The following RIT2 variants were observed in gnomAD, a reference collection of about 807,000 sequenced individuals.
The protein encoded by RIT2 is Ras like without CAAX 2, also known as GTP-binding protein Rit2.
Under a neutral mutation model 23.7 loss-of-function variants are expected in RIT2, and 24 were observed. The ratio of observed to expected loss-of-function variants is 1.01; its 90% CI spans 0.73 to 1.43. RIT2 has a LOEUF of 1.43. Among genes scored for constraint, RIT2 ranks in the 40% most tolerant of loss-of-function variants. The pLI is 0.00. For synonymous variants in RIT2, 107 were observed against 91.1 expected (o/e 1.17, Z -0.99); for missense variants, 236 against 266.9 (o/e 0.88, Z 0.81).
chr18:42,787,594 C>T (rs539934115), intron 4 of RIT2, among the ~76,000 whole-genome samples: 11 of 152,268 alleles, frequency 7.2e-5, no homozygotes, highest in Admixed American at 1.3e-4. Flanking sequence ...AATGCAATTG[C>T]TCATTTGTGA....
At chr18:42,988,615 A>G (rs1910769912) in intron 2 of RIT2, among the ~76,000 whole-genome samples, 1 of 152,142 alleles carries the variant, frequency 6.6e-6, no homozygotes, top group Non-Finnish European at 1.5e-5. Context: ...ACTTCCAGGA[A>G]CTCCCTATTA....
At chr18:42,747,627 G>A (rs1333095881) in intron 4 of RIT2, among the ~76,000 whole-genome samples, 1 of 151,666 alleles carries the variant, frequency 6.6e-6, no homozygotes, top group African/African-American at 2.4e-5. Context: ...GAGGCATCAC[G>A]TTACATTGAA....
At chr18:42,894,702 A>T (rs1908276165) in intron 4 of RIT2, among the ~76,000 whole-genome samples, 1 of 152,244 alleles carries the variant, frequency 6.6e-6, no homozygotes, top group African/African-American at 2.4e-5. Flanking sequence ...GACACTTTAC[A>T]GCTACAATTA....
intron 4 of RIT2, among the ~76,000 whole-genome samples, chr18:42,807,632 C>A (rs533068323): frequency 2.4e-3 from 364 of 152,196 alleles, no homozygotes; most frequent in African/African-American, 8.0e-3. Flanking sequence ...AAAAACAAAA[C>A]AAAACAAAAC....
intron 1 of RIT2, among the ~76,000 whole-genome samples, chr18:43,047,793 ATGTC>A (rs1912283631): frequency 6.6e-6 from 1 of 152,162 alleles, no homozygotes; most frequent in South Asian, 2.1e-4. Flanking sequence ...TTAATAATAG[ATGTC>A]AAATTTAAAG....
At chr18:42,963,124 G>T (rs1277047866) in intron 3 of RIT2, among the ~76,000 whole-genome samples, 1 of 152,146 alleles carries the variant, frequency 6.6e-6, no homozygotes. Flanking sequence ...TAATGGAGAG[G>T]TTTGGTTCCC....
chr18:43,080,267 TTCTAATGATGAG>T (rs1913125810), intron 1 of RIT2, among the ~76,000 whole-genome samples: 1 of 152,222 alleles, frequency 6.6e-6, no homozygotes, highest in African/African-American at 2.4e-5. Context: ...TTTCTTCCCA[TTCTAATGATGAG>T]AAAAACAAGG....
chr18:42,804,589 GA>G (rs112876307), intron 4 of RIT2, among the ~76,000 whole-genome samples: 9,359 of 130,460 alleles, frequency 0.072, 977 homozygotes, highest in African/African-American at 0.25. Context: ...AAAAAAAATT[GA>G]AAAAAAAAGA....
intron 3 of RIT2, among the ~76,000 whole-genome samples, chr18:42,954,551 C>T (rs1267296555): frequency 6.6e-6 from 1 of 151,990 alleles, no homozygotes; most frequent in Non-Finnish European, 1.5e-5. Flanking sequence ...CCTCCTTATT[C>T]AAGACACACA....
chr18:43,082,036 TG>T (rs1913169520), intron 1 of RIT2, among the ~76,000 whole-genome samples: 1 of 152,108 alleles, frequency 6.6e-6, no homozygotes, highest in Non-Finnish European at 1.5e-5. Flanking sequence ...GGACTTTTTT[TG>T]TTGGTAGGTT....
chr18:43,096,908 CAA>C (rs1465383446), intron 1 of RIT2, among the ~76,000 whole-genome samples: 2 of 151,764 alleles, frequency 1.3e-5, no homozygotes, highest in Non-Finnish European at 2.9e-5. Context: ...ATGCTAAAAA[CAA>C]AATCTAATGG....
At chr18:42,778,519 C>T (rs1913731803) in intron 4 of RIT2, among the ~76,000 whole-genome samples, 2 of 152,066 alleles carry the variant, frequency 1.3e-5, no homozygotes, top group South Asian at 4.1e-4. Flanking sequence ...TCCTAGTGAA[C>T]ACAATAAATA....
chr18:43,031,895 C>G (rs766512299), intron 2 of RIT2, among the ~76,000 whole-genome samples: 3 of 151,974 alleles, frequency 2.0e-5, no homozygotes, highest in Non-Finnish European at 2.9e-5. Flanking sequence ...TGTACTAATA[C>G]GAATTTCCTC....
intron 4 of RIT2, among the ~76,000 whole-genome samples, chr18:42,787,502 T>C (rs1913949889): frequency 6.6e-6 from 1 of 152,104 alleles, no homozygotes; most frequent in Non-Finnish European, 1.5e-5. Context: ...AAGAAGCAAC[T>C]GTAAAAATCT....
At chr18:42,935,641 T>A (rs1460404577) in intron 3 of RIT2, among the ~76,000 whole-genome samples, 4 of 152,146 alleles carry the variant, frequency 2.6e-5, no homozygotes, top group Non-Finnish European at 5.9e-5. Context: ...TTAGACATAT[T>A]GTTACCAGAA....
chr18:42,793,403 AC>A (rs1307107135), intron 4 of RIT2, among the ~76,000 whole-genome samples: 1 of 152,272 alleles, frequency 6.6e-6, no homozygotes, highest in East Asian at 1.9e-4. Flanking sequence ...GTATCTAAGA[AC>A]CTACACTATC....
intron 2 of RIT2, among the ~76,000 whole-genome samples, chr18:43,012,494 G>A (rs926019753): frequency 6.6e-6 from 1 of 151,530 alleles, no homozygotes; most frequent in East Asian, 2.0e-4. Flanking sequence ...AGAAAATAAC[G>A]AATTTTCACA....
At chr18:43,096,901 C>T (rs913368925) in intron 1 of RIT2, among the ~76,000 whole-genome samples, 2 of 151,658 alleles carry the variant, frequency 1.3e-5, no homozygotes, top group African/African-American at 4.8e-5. Context: ...AAGTACTATG[C>T]TAAAAACAAA....
intron 4 of RIT2, among the ~76,000 whole-genome samples, chr18:42,819,451 TG>T (rs896297082): frequency 1.3e-5 from 2 of 152,000 alleles, no homozygotes; most frequent in African/African-American, 4.8e-5. Context: ...GGTGTGGTTT[TG>T]TTGTTGTTGT....
Sources: gnomAD v4.1 joint callset for allele counts (sites outside exome capture counted in the v4.1 genomes callset) on GRCh38, gnomAD v4.1.1 for gene constraint, MANE v1.5 for transcripts, NCBI Gene and HGNC (gene_info 2026-07-23, HGNC 2026-07-21) for gene names.